SCD5: variants seen among roughly 807,000 people sequenced by gnomAD.
The protein encoded by SCD5 is stearoyl-CoA desaturase 5.
SCD5 carries 20 observed loss-of-function variants against 30.4 expected under a neutral mutation model. The ratio of observed to expected loss-of-function variants is 0.66; its 90% CI spans 0.46 to 0.96. The LOEUF (loss-of-function observed/expected upper bound fraction) is 0.96. Among genes scored for constraint, SCD5 ranks in the 40% least tolerant of loss-of-function variants. The pLI, the probability that SCD5 is intolerant of heterozygous loss-of-function variation, is 0.00. For synonymous variants in SCD5, 173 were observed against 176.4 expected (o/e 0.98, Z 0.16); for missense variants, 381 against 443.3 (o/e 0.86, Z 1.26).
intron 3 of SCD5, among the ~76,000 whole-genome samples, chr4:82,664,995 C>A (rs868832608): frequency 0.22 from 17,583 of 80,738 alleles, 1,642 homozygotes; most frequent in Middle Eastern, 0.26. Flanking sequence ...CTCTCTCTCT[C>A]TCTCTATATA....
At chr4:82,689,453 C>T (rs1288193277) in intron 2 of SCD5, among the ~76,000 whole-genome samples, 2 of 152,020 alleles carry the variant, frequency 1.3e-5, no homozygotes, top group Non-Finnish European at 2.9e-5. Flanking sequence ...GTAATTTGGT[C>T]ATTAAAATGA....
intron 1 of SCD5, among the ~76,000 whole-genome samples, chr4:82,709,584 G>C (rs1320111605): frequency 6.6e-6 from 1 of 152,228 alleles, no homozygotes; most frequent in African/African-American, 2.4e-5. Context: ...GCAAGGTCCA[G>C]AGGAGGCAAG....
intron 2 of SCD5, among the ~76,000 whole-genome samples, chr4:82,685,318 C>G (rs968136880): frequency 6.6e-6 from 1 of 152,020 alleles, no homozygotes; most frequent in African/African-American, 2.4e-5. Flanking sequence ...AGAAATATAA[C>G]TCAAGCCACA....
intron 1 of SCD5, among the ~76,000 whole-genome samples, chr4:82,785,510 T>C (rs1017197394): frequency 2.0e-4 from 31 of 152,242 alleles, no homozygotes; most frequent in African/African-American, 7.5e-4. Flanking sequence ...GAAAATCGTA[T>C]GTAAGCCTGA....
intron 1 of SCD5, among the ~76,000 whole-genome samples, chr4:82,724,603 T>C (rs1486001593): frequency 6.6e-6 from 1 of 152,170 alleles, no homozygotes; most frequent in Non-Finnish European, 1.5e-5. Flanking sequence ...ATTAAAAGAA[T>C]AATATAAAAA....
chr4:82,768,635 T>G (rs1385395523), intron 1 of SCD5, among the ~76,000 whole-genome samples: 1 of 152,218 alleles, frequency 6.6e-6, no homozygotes, highest in African/African-American at 2.4e-5. Flanking sequence ...AGAGTAAGAT[T>G]AGTGTCCTGG....
intron 1 of SCD5, among the ~76,000 whole-genome samples, chr4:82,776,825 T>C (rs1299151877): frequency 6.6e-6 from 1 of 152,230 alleles, no homozygotes. Flanking sequence ...GAAAGTTAAC[T>C]AGAGATACAT....
chr4:82,662,842 G>A (rs1360313961), intron 3 of SCD5, among the ~76,000 whole-genome samples: 1 of 130,156 alleles, frequency 7.7e-6, no homozygotes, highest in South Asian at 2.5e-4. Flanking sequence ...CCTGGGCAAC[G>A]AGCAAACTCC....
At chr4:82,729,623 G>C (rs1454622066) in intron 1 of SCD5, among the ~76,000 whole-genome samples, 1 of 107,736 alleles carries the variant, frequency 9.3e-6, no homozygotes, top group African/African-American at 4.6e-5. Context: ...ATATCTTCTT[G>C]AACATGAAGG....
At chr4:82,783,395 A>C (rs1282565543) in intron 1 of SCD5, among the ~76,000 whole-genome samples, 1 of 152,266 alleles carries the variant, frequency 6.6e-6, no homozygotes, top group Non-Finnish European at 1.5e-5. Context: ...AGGGGGAAAA[A>C]AATAGCTAAA....
intron 2 of SCD5, among the ~76,000 whole-genome samples, chr4:82,686,752 T>C (rs187104294): frequency 3.9e-5 from 6 of 152,344 alleles, no homozygotes; most frequent in East Asian, 3.9e-4. Context: ...AATACTTTTA[T>C]GCTTGATCCT....
At chr4:82,647,013 CAG>C (rs1417701213) in intron 3 of SCD5, among the ~76,000 whole-genome samples, 1 of 152,120 alleles carries the variant, frequency 6.6e-6, no homozygotes, top group Non-Finnish European at 1.5e-5. Context: ...TTAGTAGAGA[CAG>C]AGTTTCAACA....
intron 3 of SCD5, among the ~76,000 whole-genome samples, chr4:82,673,998 G>A (rs1728384679): frequency 6.6e-6 from 1 of 152,054 alleles, no homozygotes; most frequent in Non-Finnish European, 1.5e-5. Context: ...CTCACAAAAA[G>A]TGACTCAAAA....
chr4:82,782,486 AAAG>A (rs1431062009), intron 1 of SCD5, among the ~76,000 whole-genome samples: 1 of 152,034 alleles, frequency 6.6e-6, no homozygotes, highest in East Asian at 1.9e-4. Flanking sequence ...CAATCCTAGA[AAAG>A]AAGGTTTCCT....
chr4:82,669,319 A>AAAC (rs58276299), intron 3 of SCD5, among the ~76,000 whole-genome samples: 1 of 151,450 alleles, frequency 6.6e-6, no homozygotes, highest in African/African-American at 2.4e-5. Flanking sequence ...AAAAAAAAAA[A>AAAC]GGAAAGTATC....
At chr4:82,733,268 T>C (rs952066019) in intron 1 of SCD5, among the ~76,000 whole-genome samples, 1 of 152,144 alleles carries the variant, frequency 6.6e-6, no homozygotes, top group African/African-American at 2.4e-5. Flanking sequence ...AGCTTTGGTC[T>C]CTTTCACATC....
intron 2 of SCD5, among the ~76,000 whole-genome samples, chr4:82,685,341 T>C (rs1728679052): frequency 6.6e-6 from 1 of 152,122 alleles, no homozygotes; most frequent in Non-Finnish European, 1.5e-5. Context: ...ATATAACTAA[T>C]ATTTTCTTAG....
At chr4:82,775,662 A>C (rs1721729020) in intron 1 of SCD5, 2 of 152,200 alleles carry the variant, frequency 1.3e-5, no homozygotes, top group African/African-American at 4.8e-5. Flanking sequence ...GGAGTTTAAG[A>C]CCAGCCTGGG....
intron 1 of SCD5, among the ~76,000 whole-genome samples, chr4:82,761,234 T>C (rs1721357131): frequency 1.3e-5 from 2 of 152,340 alleles, no homozygotes; most frequent in African/African-American, 2.4e-5. Flanking sequence ...TACAAATCAT[T>C]AGAGCAGGCA....
Sources: gnomAD v4.1 joint callset for allele counts (sites outside exome capture counted in the v4.1 genomes callset) on GRCh38, gnomAD v4.1.1 for gene constraint, MANE v1.5 for transcripts, NCBI Gene and HGNC (gene_info 2026-07-23, HGNC 2026-07-21) for gene names.